MUSK: variants seen among roughly 807,000 people sequenced by gnomAD.
MUSK encodes the protein muscle, skeletal receptor tyrosine-protein kinase.
In MUSK, 55 loss-of-function variants were observed where a neutral mutation model predicts 88.7. The ratio of observed to expected loss-of-function variants is 0.62; its 90% CI spans 0.50 to 0.78. MUSK has a LOEUF of 0.78. Ranked by LOEUF, MUSK falls within the 30% of genes least tolerant of loss-of-function variation. The probability of loss-of-function intolerance (pLI) is 0.00; values close to 1 mark genes in which losing one functional copy is unlikely to be tolerated. For missense variants in MUSK, 1,015 were observed against 1,074.3 expected (o/e 0.94, Z 0.77); for synonymous variants, 387 against 391.9 (o/e 0.99, Z 0.15).
In MUSK at chr9:110,759,464, C is replaced by T. The variant is rs1365187492; in HGVS notation, c.914-2738C>T. ...AAAAGCACTTGCAGCCAAAGCAAAT[C>T]TGACAAATGGAACTTAATTAAACTT... On this transcript the variant is annotated intron_variant, in intron 7 of 14. Coordinates refer to ENST00000374448, the MANE Select transcript of MUSK (RefSeq NM_005592.4). Among the ~76,000 whole-genome samples, 2 of 152,102 alleles carry T rather than the reference C, an allele frequency of 1.3e-5. 1 individual carries two copies. Among genetic ancestry groups the T allele is most frequent in the Admixed American group, 1.3e-4 (2 of 15,276 alleles).
Position 110,791,118 on chromosome 9 carries a change from C to T in MUSK, c.1927+3280C>T, listed in dbSNP as rs558428636. Among the ~76,000 whole-genome samples the T allele has an allele frequency of 5.3e-5, 8 of 152,058 alleles. No individual in the cohort carries two copies. In the East Asian group the frequency reaches 7.8e-4, roughly 15 times the overall value. On this transcript the variant is annotated intron_variant, in intron 14 of 14. Coordinates refer to ENST00000374448, the MANE Select transcript of MUSK (RefSeq NM_005592.4). Reference sequence around the variant, plus strand: ...TTTCAGGGGGAGGAGCCAAGATGGCCGAATAGGAACAGCTCCGGTCTACAG... The same window carrying T: ...TTTCAGGGGGAGGAGCCAAGATGGCTGAATAGGAACAGCTCCGGTCTACAG...
At chr9:110,783,180 C>T (rs918792252) in intron 11 of MUSK, among the ~76,000 whole-genome samples, 5 of 152,104 alleles carry the variant, frequency 3.3e-5, no homozygotes, top group African/African-American at 1.2e-4. Context: ...ATGATGTAGT[C>T]AGTTGCTAAT....
At chr9:110,692,165 T>G (rs955887650) in intron 3 of MUSK, among the ~76,000 whole-genome samples, 5 of 151,920 alleles carry the variant, frequency 3.3e-5, no homozygotes, top group Admixed American at 6.6e-5. Flanking sequence ...TTTTGTTTTG[T>G]TTTGGTTTTT....
chr9:110,778,145 C>T (rs1040800428), intron 11 of MUSK, among the ~76,000 whole-genome samples: 3 of 152,068 alleles, frequency 2.0e-5, no homozygotes. Flanking sequence ...CACAAAAGAG[C>T]TGTTAATCAT....
chr9:110,732,251 C>CA, intron 5 of MUSK, among the ~76,000 whole-genome samples: 1 of 151,914 alleles, frequency 6.6e-6, no homozygotes, highest in Non-Finnish European at 1.5e-5. Flanking sequence ...GTCCCACACT[C>CA]AAAAAATTTA....
intron 5 of MUSK, among the ~76,000 whole-genome samples, chr9:110,718,621 A>G (rs1175429356): frequency 6.6e-6 from 1 of 152,090 alleles, no homozygotes; most frequent in African/African-American, 2.4e-5. Flanking sequence ...GGAAGGAAGA[A>G]GAGAAAGAAG....
At chr9:110,741,086 A>G (rs1247018035) in intron 6 of MUSK, among the ~76,000 whole-genome samples, 1 of 152,158 alleles carries the variant, frequency 6.6e-6, no homozygotes, top group African/African-American at 2.4e-5. Context: ...ACAGCTAACA[A>G]CACTGTATTG....
chr9:110,760,822 C>A (rs1160630251), intron 7 of MUSK, among the ~76,000 whole-genome samples: 1 of 152,096 alleles, frequency 6.6e-6, no homozygotes, highest in Non-Finnish European at 1.5e-5. Context: ...TAGTTACCAA[C>A]CCTCACCAAT....
At chr9:110,788,970 C>G (rs1034500893) in intron 14 of MUSK, among the ~76,000 whole-genome samples, 2 of 152,098 alleles carry the variant, frequency 1.3e-5, no homozygotes, top group Non-Finnish European at 2.9e-5. Flanking sequence ...ATGAATGTGG[C>G]TGGAGCAGAG....
intron 6 of MUSK, 46 bp from the exon 7 acceptor site, chr9:110,747,595 T>C: frequency 6.4e-7 from 1 of 1,551,498 alleles, no homozygotes; most frequent in Non-Finnish European, 8.9e-7. Flanking sequence ...CATAGTATAG[T>C]GGGAAATCCT....
chr9:110,785,678 G>C lies in MUSK; in HGVS notation c.1738G>C (p.Asp580His). 2 of 1,610,586 alleles carry C rather than the reference G, an allele frequency of 1.2e-6. No homozygotes were observed. The highest frequency in any genetic ancestry group is 1.1e-5 in the South Asian group (1 of 90,414). The change falls in exon 13 of 15, where the codon GAC becomes CAC. Residue 580 changes from aspartate (D) to histidine (H), a missense_variant. Transcript: ENST00000374448. ...YPRNNIEYVR[D>H]IGEGAFGRVF... ...AAGGAATAACATTGAATATGTGAGA[G>C]ACATCGGAGAGGGAGCGTTTGGAAG...
At chr9:110,732,983 A>G (rs1055279981) in intron 5 of MUSK, among the ~76,000 whole-genome samples, 4 of 152,088 alleles carry the variant, frequency 2.6e-5, no homozygotes, top group Non-Finnish European at 5.9e-5. Flanking sequence ...ACTACTCTGG[A>G]CCTGTTCTAT....
At chr9:110,746,925 A>G (rs1218564944) in intron 6 of MUSK, among the ~76,000 whole-genome samples, 2 of 152,188 alleles carry the variant, frequency 1.3e-5, no homozygotes, top group East Asian at 3.8e-4. Flanking sequence ...AGTTATGAAA[A>G]TAAGTCCTTA....
chr9:110,781,085 A>G (rs758140020), intron 11 of MUSK, among the ~76,000 whole-genome samples: 3 of 151,990 alleles, frequency 2.0e-5, no homozygotes, highest in Non-Finnish European at 4.4e-5. Context: ...ACCTATAGAT[A>G]CTCCCCAACT....
intron 5 of MUSK, among the ~76,000 whole-genome samples, chr9:110,719,880 A>C (rs917882883): frequency 6.6e-6 from 1 of 152,124 alleles, no homozygotes; most frequent in Non-Finnish European, 1.5e-5. Context: ...AATAGAAATT[A>C]TATCAAATAT....
intron 12 of MUSK, 86 bp downstream of exon 12, chr9:110,785,102 A>G: frequency 1.7e-6 from 2 of 1,144,324 alleles, no homozygotes; most frequent in Middle Eastern, 2.5e-4. Context: ...AGGAATATAT[A>G]TGACACTGCA....
At chr9:110,731,372 G>A (rs1045655218) in intron 5 of MUSK, among the ~76,000 whole-genome samples, 1 of 152,052 alleles carries the variant, frequency 6.6e-6, no homozygotes, top group Non-Finnish European at 1.5e-5. Flanking sequence ...GGGGAATGGG[G>A]ATGAGAAAGT....
intron 14 of MUSK, among the ~76,000 whole-genome samples, chr9:110,797,143 A>AAT (rs1564297740): frequency 2.0e-5 from 1 of 50,142 alleles, no homozygotes; most frequent in African/African-American, 6.9e-5. Context: ...AAAAAATAAA[A>AAT]AATAAATGCA....
chr9:110,684,861 GT>G (rs892885579), intron 2 of MUSK, among the ~76,000 whole-genome samples: 1 of 152,010 alleles, frequency 6.6e-6, no homozygotes, highest in African/African-American at 2.4e-5. Context: ...AGTTCTAATA[GT>G]TTTCTGTGGA....
Sources: allele counts gnomAD v4.1 joint callset (sites outside exome capture counted in the v4.1 genomes callset), GRCh38; gene constraint gnomAD v4.1.1; transcripts MANE v1.5; gene names NCBI Gene and HGNC (gene_info 2026-07-23, HGNC 2026-07-21).